Variants in CTPS2 observed in about 807,000 individuals in gnomAD.
CTPS2 encodes CTP synthase 2.
In CTPS2, 19 loss-of-function variants were observed where a neutral mutation model predicts 46.8. The observed-to-expected ratio is 0.41, with a 90% CI of 0.28 to 0.60. CTPS2 has a LOEUF of 0.60. Among genes scored for constraint, CTPS2 ranks in the 20% least tolerant of loss-of-function variants. The pLI is 0.35. For synonymous variants in CTPS2, 151 were observed against 165.2 expected (o/e 0.91, Z 0.66); for missense variants, 286 against 447.6 (o/e 0.64, Z 3.26).
At chrX:16,602,731 C>T (rs1256696110) in intron 17 of CTPS2, among the ~76,000 whole-genome samples, 1 of 112,032 alleles carries the variant, frequency 8.9e-6, no homozygotes, top group Non-Finnish European at 1.9e-5. Context: ...CAAATTTCAC[C>T]CAGTGGCTTT....
intron 14 of CTPS2, among the ~76,000 whole-genome samples, chrX:16,624,274 T>A (rs2147211988): frequency 8.9e-6 from 1 of 112,309 alleles, no homozygotes; most frequent in East Asian, 2.8e-4. Flanking sequence ...GAAATGAATT[T>A]ACAAAATTAA....
chrX:16,660,666 C>T (rs1240579792), intron 13 of CTPS2, among the ~76,000 whole-genome samples: 1 of 110,548 alleles, frequency 9.0e-6, no homozygotes, highest in Admixed American at 9.7e-5. Flanking sequence ...TCCCAAAGTG[C>T]CAGGATTACT....
At chrX:16,678,475 G>A (rs746175146) in intron 9 of CTPS2, 25 bp from the exon 10 acceptor site, 2 of 1,009,147 alleles carry the variant, frequency 2.0e-6, no homozygotes, top group South Asian at 2.0e-5. Flanking sequence ...ACAGATAAAA[G>A]GAGTATTTAA....
intron 17 of CTPS2, among the ~76,000 whole-genome samples, chrX:16,608,438 A>T (rs1043672242): frequency 1.8e-5 from 2 of 109,278 alleles, no homozygotes; most frequent in African/African-American, 6.7e-5. Flanking sequence ...ATAATAAATT[A>T]AAAAAATTAG....
chrX:16,696,158 G>A (rs1924108155), intron 4 of CTPS2, among the ~76,000 whole-genome samples: 1 of 112,289 alleles, frequency 8.9e-6, no homozygotes, highest in Admixed American at 9.5e-5. Context: ...GAGAAGTTGA[G>A]GTCTCACTCA....
At chrX:16,658,965 A>G (rs998887082) in intron 13 of CTPS2, among the ~76,000 whole-genome samples, 5 of 112,365 alleles carry the variant, frequency 4.4e-5, no homozygotes, top group African/African-American at 1.6e-4. Flanking sequence ...TTTAATTCCC[A>G]GGATAAACAC....
chrX:16,638,947 C>G (rs979429578), intron 14 of CTPS2, 200 bp downstream of exon 14: 1 of 537,578 alleles, frequency 1.9e-6, no homozygotes, highest in African/African-American at 2.3e-5. Flanking sequence ...GAGGCCAGCC[C>G]AAGGGACAAG....
intron 1 of CTPS2, among the ~76,000 whole-genome samples, chrX:16,709,954 GCTCAGAAAACAAAACCCAAAAATGAAGGC>G (rs1010613708): frequency 9.2e-5 from 10 of 109,199 alleles, no homozygotes; most frequent in African/African-American, 1.3e-4. Flanking sequence ...ATGTGTTGGG[GCTCAGAAAACAAAACCCAAAAATGAAGGC>G]CTCAGAAGCA....
Position 16,646,841 on chromosome X carries a change from C to A in CTPS2, c.1297-7598G>T, listed in dbSNP as rs1426889646. On this transcript the variant is annotated intron_variant, in intron 13 of 18. Transcript: ENST00000359276. ...AGCTCTTAAAATATGTTACTCTTGG[C>A]TTTCCTAGGAAAAATTAAGCCTGTC... Among the ~76,000 whole-genome samples, 3 of 111,537 alleles carry A rather than the reference C, an allele frequency of 2.7e-5. No homozygotes were observed. The Admixed American group carries it at 2.9e-4, about 11-fold the overall frequency.
chrX:16,615,789 T>C (rs1930499443), intron 16 of CTPS2, among the ~76,000 whole-genome samples: 1 of 112,121 alleles, frequency 8.9e-6, no homozygotes, highest in African/African-American at 3.2e-5. Context: ...TCCTGAAGAC[T>C]AAAGTGTCAC....
In CTPS2 at chrX:16,601,576, G is replaced by A. The variant is rs1012331636; in HGVS notation, c.1691+7965C>T. 1.2e-4 allele frequency among the ~76,000 whole-genome samples: 8 copies of A among 68,027 alleles called. No individual in the cohort carries two copies. In the East Asian group the frequency reaches 1.5e-3, roughly 13 times the overall value. 59.1% of individuals were successfully genotyped at this position (68,027 alleles called of 115,157 possible). A position where few individuals can be genotyped will look rare whatever the true frequency, so the allele number is the denominator to read the frequency against. On this transcript the variant is annotated intron_variant, in intron 17 of 18. Coordinates refer to ENST00000359276, the MANE Select transcript of CTPS2 (RefSeq NM_175859.3). ...CTATAAACCAAGGGAAGCCATCGGG[G>A]GGGGGGGGGTTTAAGTTCCAAAATA...
At chrX:16,676,077 TGTGA>T (rs1385790179) in intron 10 of CTPS2, among the ~76,000 whole-genome samples, 1 of 112,137 alleles carries the variant, frequency 8.9e-6, no homozygotes, top group Non-Finnish European at 1.9e-5. Context: ...ATTTGGAATT[TGTGA>T]GTATTCTTAA....
intron 17 of CTPS2, among the ~76,000 whole-genome samples, chrX:16,599,683 T>C (rs2147168524): frequency 9.3e-6 from 1 of 107,758 alleles, no homozygotes; most frequent in South Asian, 4.1e-4. Flanking sequence ...TCCATGTTGG[T>C]CAGGCTGGTC....
At chrX:16,626,556 T>C (rs990676784) in intron 14 of CTPS2, among the ~76,000 whole-genome samples, 1 of 111,631 alleles carries the variant, frequency 9.0e-6, no homozygotes, top group Non-Finnish European at 1.9e-5. Flanking sequence ...GTTAAGATGG[T>C]ACATTTTATG....
intron 17 of CTPS2, among the ~76,000 whole-genome samples, chrX:16,602,325 G>A (rs774308986): frequency 5.4e-5 from 6 of 110,380 alleles, no homozygotes; most frequent in Non-Finnish European, 1.1e-4. Context: ...TGGATGCAGG[G>A]GACGGGGGTA....
chrX:16,591,083 G>A (rs1928878074), intron 17 of CTPS2: 1 of 290,533 alleles, frequency 3.4e-6, no homozygotes, highest in Admixed American at 6.0e-5. Context: ...TATTTTCATC[G>A]TAAACTGGAA....
At chrX:16,702,578 AT>A (rs1418616176) in intron 2 of CTPS2, among the ~76,000 whole-genome samples, 158 bp downstream of exon 2, 1 of 112,086 alleles carries the variant, frequency 8.9e-6, no homozygotes, top group Non-Finnish European at 1.9e-5. Context: ...CATCAGAGGT[AT>A]GAACAATGTA....
chrX:16,615,716 T>A (rs952939656), intron 16 of CTPS2, among the ~76,000 whole-genome samples: 12 of 112,036 alleles, frequency 1.1e-4, no homozygotes, highest in Non-Finnish European at 1.9e-4. Flanking sequence ...GCTACATGGC[T>A]GTCCACTGTT....
chrX:16,650,850 G>A, intron 13 of CTPS2: 2 of 473,640 alleles, frequency 4.2e-6, no homozygotes, highest in Non-Finnish European at 7.3e-6. Context: ...AGTTACTGGT[G>A]CCATTCCGAC....
Sources: allele counts gnomAD v4.1 joint callset (sites outside exome capture counted in the v4.1 genomes callset), GRCh38; gene constraint gnomAD v4.1.1; transcripts MANE v1.5; gene names NCBI Gene and HGNC (gene_info 2026-07-23, HGNC 2026-07-21).